Variants in DLGAP3 observed in about 807,000 individuals in gnomAD.
DLGAP3 encodes disks large-associated protein 3.
In DLGAP3, 17 loss-of-function variants were observed where a neutral mutation model predicts 81.2. That is an observed-to-expected ratio of 0.21 (90% CI 0.14 to 0.31). The LOEUF is 0.31. Ranked by LOEUF, DLGAP3 falls within the 10% of genes least tolerant of loss-of-function variation. The pLI is 1.00. For missense variants in DLGAP3, 1,124 were observed against 1,388.0 expected (o/e 0.81, Z 3.02); for synonymous variants, 577 against 587.4 (o/e 0.98, Z 0.26).
chr1:34,915,366 T>G (rs1639700962), intron 1 of DLGAP3, among the ~76,000 whole-genome samples: 2 of 152,190 alleles, frequency 1.3e-5, no homozygotes, highest in Non-Finnish European at 2.9e-5. Flanking sequence ...TCCAGGATGC[T>G]CTACACCTGA....
chr1:34,894,414 T>C (rs1569629860), intron 5 of DLGAP3, among the ~76,000 whole-genome samples: 1 of 151,954 alleles, frequency 6.6e-6, no homozygotes, highest in African/African-American at 2.4e-5. Flanking sequence ...AAAACATGAA[T>C]CCACAGACCT....
At position 34,905,082 on chromosome 1, in the gene DLGAP3, G is replaced by A. The variant is rs377221247; in HGVS notation, c.302C>T (p.Thr101Ile). 5 of 1,593,852 alleles carry A rather than the reference G, an allele frequency of 3.1e-6. No homozygotes were observed. In the African/African-American group the frequency reaches 5.4e-5, roughly 17 times the overall value. The change falls in exon 3 of 12, where the codon ACC (threonine) becomes ATC (isoleucine). Residue 101 changes from threonine (T) to isoleucine (I), a missense_variant. Thr to Ile is a moderately conservative substitution (Grantham distance 89, BLOSUM62 -1). Transcript: ENST00000373347. Reference sequence around the variant, plus strand: ...TGGGTGGCCCACACAGTCTTCACAGGTGTCGAAGGGGCCCTGGCCAGGGTA... The same window carrying A: ...TGGGTGGCCCACACAGTCTTCACAGATGTCGAAGGGGCCCTGGCCAGGGTA... ...RMYPGQGPFD[T>I]CEDCVGHPQG...
At position 34,895,925 on chromosome 1, in the gene DLGAP3, C is replaced by T. The variant is rs1639374423; in HGVS notation, c.1386+3744G>A. Among the ~76,000 whole-genome samples, 2 of 100,530 alleles carry T rather than the reference C, an allele frequency of 2.0e-5. No individual in the cohort carries two copies. Among genetic ancestry groups the T allele is most frequent in the African/African-American group, 5.5e-5 (2 of 36,550 alleles). The allele number at this position is 100,530 out of a possible 152,430, so 66.0% of individuals were successfully genotyped here. On this transcript the variant is annotated intron_variant, in intron 5 of 11. Coordinates refer to ENST00000373347, the MANE Select transcript of DLGAP3 (RefSeq NM_001080418.3). The surrounding 1 kb of genome is among the most constrained non-coding windows in gnomAD (Gnocchi z 4.5). ...CTAACTTGAATCACACATACACACACACACACACACACACACACACACACA... is the reference window on the plus strand; with the variant it reads ...CTAACTTGAATCACACATACACACATACACACACACACACACACACACACA...
At chr1:34,885,817 A>G (rs1639216557) in intron 6 of DLGAP3, 26 bp from the exon 7 acceptor site, 1 of 1,392,914 alleles carries the variant, frequency 7.2e-7, no homozygotes, top group Non-Finnish European at 9.3e-7. Flanking sequence ...GCAGAGACGC[A>G]GTGGGTGAGG....
rs774841636 is a variant in DLGAP3, at chr1:34,867,095, C to T, written c.2674G>A (p.Glu892Lys). The T allele has an allele frequency of 6.2e-7, 1 of 1,614,152 alleles. No homozygotes were observed. The highest frequency in any genetic ancestry group is 8.5e-7 in the Non-Finnish European group (1 of 1,180,014). ...CTGTTGGCCTTGAGTTGCTGTAGCT[C>T]CAGGAACTTGAGGGTCACATCCTCG... The part of the protein sequence containing the change: ...SIEDVTLKFL[E>K]LQQLKANSWK... Residue 892 changes from glutamate to lysine, a missense_variant, in exon 11 of 12, where the codon GAG becomes AAG. By Grantham distance (56) the Glu-to-Lys change is moderately conservative. Around this residue, in one of 9 missense-constraint regions of DLGAP3, gnomAD observed 133 missense variants for 171.1 expected, o/e 0.78. Coordinates refer to ENST00000373347, the MANE Select transcript of DLGAP3 (RefSeq NM_001080418.3). This position sits in a 1 kb window ranked among gnomAD's most constrained non-coding sequence, Gnocchi z 4.3.
Position 34,895,995 on chromosome 1 carries a change from C to T in DLGAP3, c.1386+3674G>A, listed in dbSNP as rs948874644. On this transcript the variant is annotated intron_variant, in intron 5 of 11. Transcript: ENST00000373347. This position sits in a 1 kb window ranked among gnomAD's most constrained non-coding sequence, Gnocchi z 4.5. ...CATACATCTAAATATAAATGTTAAACTACAAAATTCTTAGGAGAAATATTA... is the reference window on the plus strand; with the variant it reads ...CATACATCTAAATATAAATGTTAAATTACAAAATTCTTAGGAGAAATATTA... Among the ~76,000 whole-genome samples, 1 of 150,768 alleles carries T rather than the reference C, an allele frequency of 6.6e-6. No individual in the cohort carries two copies. Among genetic ancestry groups the T allele is most frequent in the Admixed American group, 6.6e-5 (1 of 15,168 alleles).
At chr1:34,875,738 A>G (rs571975508) in intron 8 of DLGAP3, among the ~76,000 whole-genome samples, 2 of 152,366 alleles carry the variant, frequency 1.3e-5, no homozygotes, top group Non-Finnish European at 2.9e-5. Flanking sequence ...AACAGGTGCC[A>G]TAAGGACATG....
At chr1:34,890,362 G>A (rs951927025) in intron 5 of DLGAP3, among the ~76,000 whole-genome samples, 1 of 152,218 alleles carries the variant, frequency 6.6e-6, no homozygotes, top group Non-Finnish European at 1.5e-5. Context: ...TTATGTGGGA[G>A]ACAGCCTCTG....
intron 5 of DLGAP3, among the ~76,000 whole-genome samples, chr1:34,887,507 G>A (rs1639252463): frequency 6.6e-6 from 1 of 152,176 alleles, no homozygotes; most frequent in African/African-American, 2.4e-5. Flanking sequence ...ATACCACAGA[G>A]GTTGCAGCTT....
At chr1:34,923,707 C>A (rs1427621398) in intron 1 of DLGAP3, among the ~76,000 whole-genome samples, 1 of 152,094 alleles carries the variant, frequency 6.6e-6, no homozygotes, top group Non-Finnish European at 1.5e-5. Context: ...CACCCACCAC[C>A]TCCCAGCACC....
intron 11 of DLGAP3, among the ~76,000 whole-genome samples, 166 bp from the exon 12 acceptor site, chr1:34,866,467 G>A (rs907218286): frequency 6.6e-6 from 1 of 152,168 alleles, no homozygotes; most frequent in Admixed American, 6.5e-5. Flanking sequence ...AGGTGCTCCT[G>A]TTCCGACAAG....
rs575592228 is a variant in DLGAP3 at position 34,896,751 on chromosome 1, A to G, written c.1386+2918T>C. On this transcript the variant is annotated intron_variant, in intron 5 of 11. Coordinates refer to ENST00000373347, the MANE Select transcript of DLGAP3 (RefSeq NM_001080418.3). ...AAAGAATAAAATACAATATATAACT[A>G]TTAAACCAGTGTGGGATTTGGTGGG... is the stretch of plus-strand genomic sequence containing the variant. 3.3e-5 allele frequency among the ~76,000 whole-genome samples: 5 copies of G among 152,342 alleles called. No individual in the cohort carries two copies. In the South Asian group the frequency reaches 1.0e-3, roughly 32 times the overall value.
Position 34,905,376 on chromosome 1 carries a change from C to G in DLGAP3, c.8G>C (p.Gly3Ala). Residue 3 changes from glycine to alanine, a missense_variant, in exon 3 of 12, where the codon GGT becomes GCT. By Grantham distance (60) the Gly-to-Ala change is moderately conservative. This residue lies in a region of DLGAP3 where 167 missense variants were observed against 172.1 expected (regional missense o/e 0.97). Transcript: ENST00000373347. MRGYHGDRGSHPR... is the reference protein window; with the variant it reads MRAYHGDRGSHPR... ...ATGGCTGCCTCGGTCGCCATGGTAA[C>G]CCCTCATGGCCTCAGCAAAGGCTCT... is the stretch of plus-strand genomic sequence containing the variant. 1.9e-6 allele frequency: 3 copies of G among 1,552,830 alleles called. No homozygotes were observed. Among genetic ancestry groups the G allele is most frequent in the Non-Finnish European group, 2.6e-6 (3 of 1,148,310 alleles).
chr1:34,888,701 C>T (rs1474601710), intron 5 of DLGAP3, among the ~76,000 whole-genome samples: 2 of 151,766 alleles, frequency 1.3e-5, no homozygotes, highest in African/African-American at 4.8e-5. Context: ...TAAGTTCTCT[C>T]ATATTTGACT....
At chr1:34,881,039 A>G (rs1374946500) in intron 8 of DLGAP3, among the ~76,000 whole-genome samples, 3 of 152,160 alleles carry the variant, frequency 2.0e-5, no homozygotes, top group Non-Finnish European at 4.4e-5. Flanking sequence ...ACACAGAGAA[A>G]CCTACCAAAT....
Position 34,866,231 on chromosome 1 carries a change from C to T in DLGAP3, c.2792G>A (p.Arg931His). Residue 931 changes from arginine (R) to histidine (H), a missense_variant, in exon 12 of 12, where the codon CGC becomes CAC. This residue lies in a region of DLGAP3 where 133 missense variants were observed against 171.1 expected (regional missense o/e 0.78). Coordinates refer to ENST00000373347, the MANE Select transcript of DLGAP3 (RefSeq NM_001080418.3). ...CTGCCGGTCCACGGAGTCCAGGGAGCGCTCCTTCACCGGCACGCCCCGGCC... is the reference window on the plus strand; with the variant it reads ...CTGCCGGTCCACGGAGTCCAGGGAGTGCTCCTTCACCGGCACGCCCCGGCC... ...LRGRGVPVKE[R>H]SLDSVDRQRQ... The T allele has an allele frequency of 6.3e-7, 1 of 1,582,168 alleles. No homozygotes were observed. The highest frequency in any genetic ancestry group is 8.6e-7 in the Non-Finnish European group (1 of 1,167,920).
rs566741012 is a variant in DLGAP3, at chr1:34,917,584, G to A, written c.-134-10147C>T. Among the ~76,000 whole-genome samples the A allele has an allele frequency of 3.5e-4, 53 of 152,140 alleles. 1 individual carries two copies. The South Asian group carries it at 1.0e-2, about 29-fold the overall frequency. On this transcript the variant is annotated intron_variant, in intron 1 of 11. Transcript: ENST00000373347. ...TGGTCTTGAACTCCTGGGCTCAAGT[G>A]ATCCTCCTGCCTCGGCCTCCCAAGT...
Position 34,897,328 on chromosome 1 carries a change from A to C in DLGAP3, c.1386+2341T>G, listed in dbSNP as rs75279641. Among the ~76,000 whole-genome samples, 807 of 152,354 alleles carry C rather than the reference A, an allele frequency of 5.3e-3. 9 individuals carry two copies. The highest frequency in any genetic ancestry group is 0.019 in the East Asian group (101 of 5,188). ...AGACAGAGAAGACCTCAACAATGAC[A>C]GTACAGGGAAGGGGAATAGGAAATG... On this transcript the variant is annotated intron_variant, in intron 5 of 11. Coordinates refer to ENST00000373347, the MANE Select transcript of DLGAP3 (RefSeq NM_001080418.3).
At chr1:34,888,472 G>A (rs1639267063) in intron 5 of DLGAP3, among the ~76,000 whole-genome samples, 1 of 152,162 alleles carries the variant, frequency 6.6e-6, no homozygotes, top group African/African-American at 2.4e-5. Flanking sequence ...CCCACCCCAA[G>A]GATCTGAACC....
Sources: gnomAD v4.1 joint callset for allele counts (sites outside exome capture counted in the v4.1 genomes callset) on GRCh38, gnomAD v4.1.1 for gene constraint, gnomAD v4.1.1 regional missense constraint, Gnocchi (gnomAD v3.1) non-coding constraint, MANE v1.5 for transcripts, NCBI Gene and HGNC (gene_info 2026-07-23, HGNC 2026-07-21) for gene names.